The following RORB variants were observed in gnomAD, a reference collection of about 807,000 sequenced individuals.
RORB encodes the protein nuclear receptor ROR-beta.
RORB carries 6 observed loss-of-function variants against 59.1 expected under a neutral mutation model. That is an observed-to-expected ratio of 0.10 (90% confidence interval 0.06 to 0.20). RORB has a LOEUF of 0.20. Ranked by LOEUF, RORB falls within the 10% of genes least tolerant of loss-of-function variation. RORB has a pLI of 1.00. For missense variants in RORB, 320 were observed against 560.5 expected (o/e 0.57, Z 4.33); for synonymous variants, 215 against 204.5 (o/e 1.05, Z -0.44).
chr9:74,686,463 TAAC>T lies in RORB; in HGVS notation c.*847_*849del, dbSNP rs1824647894. 6.6e-6 allele frequency: 1 copy of T among 152,290 alleles called. No individual in the cohort carries two copies. The highest frequency in any genetic ancestry group is 2.1e-4 in the South Asian group (1 of 4,830). 9.4% of individuals were successfully genotyped at this position (152,290 alleles called of 1,614,324 possible). ...CCTGTTTCAAGAATTAGGCCACAGATAACATTGCAAGGTCCAAGACTTTTTTGA... is the reference window on the plus strand; with the variant it reads ...CCTGTTTCAAGAATTAGGCCACAGATATTGCAAGGTCCAAGACTTTTTTGA... On this transcript the variant is annotated 3_prime_UTR_variant, in exon 10 of 10. Coordinates refer to ENST00000376896, the MANE Select transcript of RORB (RefSeq NM_006914.4).
intron 4 of RORB, among the ~76,000 whole-genome samples, chr9:74,655,293 T>G (rs1293233951): frequency 6.6e-6 from 1 of 152,154 alleles, no homozygotes; most frequent in Non-Finnish European, 1.5e-5. Context: ...TTTGTGTGCA[T>G]CACCTTTGGA....
intron 1 of RORB, among the ~76,000 whole-genome samples, chr9:74,581,739 T>G (rs1379112044): frequency 6.6e-6 from 1 of 151,932 alleles, no homozygotes; most frequent in Non-Finnish European, 1.5e-5. Flanking sequence ...ATAAACTGAT[T>G]CCCCCCTGAG....
At chr9:74,662,686 C>T (rs1008691991) in intron 6 of RORB, 80 bp downstream of exon 6, 1 of 1,459,904 alleles carries the variant, frequency 6.8e-7, no homozygotes, top group Admixed American at 1.7e-5. Context: ...TCTAGAAAAT[C>T]CTCCTTCCGA....
chr9:74,649,755 A>C (rs1823962791), intron 4 of RORB, among the ~76,000 whole-genome samples: 1 of 152,242 alleles, frequency 6.6e-6, no homozygotes, highest in Non-Finnish European at 1.5e-5. Context: ...GCTCAATTCA[A>C]GTACTCATAG....
intron 4 of RORB, among the ~76,000 whole-genome samples, chr9:74,644,389 G>A (rs1048534417): frequency 6.6e-6 from 1 of 152,116 alleles, no homozygotes; most frequent in Non-Finnish European, 1.5e-5. Context: ...CCCTTCACAC[G>A]TTTACTTTTC....
At position 74,642,582 on chromosome 9, in the gene RORB, A is replaced by G; in HGVS notation, c.404A>G (p.Asn135Ser). The G allele has an allele frequency of 1.9e-6, 3 of 1,614,190 alleles. No homozygotes were observed. Among genetic ancestry groups the G allele is most frequent in the Non-Finnish European group, 2.5e-6 (3 of 1,180,030 alleles). ...SISNGLSNLN[N>S]ETSGTYANGH... ...AGCAACGGCCTGAGCAACCTGAACAACGAGACCAGCGGCACTTATGCCAAC... is the reference window on the plus strand; with the variant it reads ...AGCAACGGCCTGAGCAACCTGAACAGCGAGACCAGCGGCACTTATGCCAAC... The change falls in exon 4 of 10, where the codon AAC (asparagine) becomes AGC (serine). Residue 135 changes from asparagine to serine, a missense_variant. Physicochemically the swap from Asn to Ser is conservative, Grantham distance 46 (BLOSUM62 1). Around this residue, in one of 4 missense-constraint regions of RORB, gnomAD observed 134 missense variants for 156.2 expected, o/e 0.86. Coordinates refer to ENST00000376896, the MANE Select transcript of RORB (RefSeq NM_006914.4).
chr9:74,549,655 A>C (rs1247124613), intron 1 of RORB, among the ~76,000 whole-genome samples: 1 of 151,260 alleles, frequency 6.6e-6, no homozygotes, highest in African/African-American at 2.4e-5. Context: ...GAAAGAGAGA[A>C]GAGACTGCTT....
chr9:74,692,773 G>C lies in RORB; in HGVS notation c.*7155G>C, dbSNP rs1037581418. 6.6e-6 allele frequency: 1 copy of C among 152,104 alleles called. No individual in the cohort carries two copies. Among genetic ancestry groups the C allele is most frequent in the Non-Finnish European group, 1.5e-5 (1 of 68,022 alleles). The allele number at this position is 152,104 out of a possible 1,614,324, so 9.4% of individuals were successfully genotyped here. A position where few individuals can be genotyped will look rare whatever the true frequency, so the allele number is the denominator to read the frequency against. On this transcript the variant is annotated 3_prime_UTR_variant, in exon 10 of 10. Coordinates refer to ENST00000376896, the MANE Select transcript of RORB (RefSeq NM_006914.4). ...TATTACCATGTATTCTTATTGGCCT[G>C]TAGAGGAAAAAGGCAAACCACAAAT...
chr9:74,540,154 A>T (rs935242165), intron 1 of RORB, among the ~76,000 whole-genome samples: 6 of 152,166 alleles, frequency 3.9e-5, no homozygotes, highest in Admixed American at 1.3e-4. Flanking sequence ...TTTTTTAAAA[A>T]ATATATTTTG....
chr9:74,634,380 T>C (rs1388302174), intron 2 of RORB, among the ~76,000 whole-genome samples: 1 of 152,196 alleles, frequency 6.6e-6, no homozygotes, highest in African/African-American at 2.4e-5. Flanking sequence ...CAAATGTCTT[T>C]AGCAAACATT....
chr9:74,573,448 G>C (rs920296154), intron 1 of RORB, among the ~76,000 whole-genome samples: 37 of 141,540 alleles, frequency 2.6e-4, no homozygotes, highest in African/African-American at 8.3e-4. Flanking sequence ...TCAACCAAAG[G>C]CTGAGCTTTT....
At chr9:74,508,141 C>A (rs970746064) in intron 1 of RORB, among the ~76,000 whole-genome samples, 1 of 151,736 alleles carries the variant, frequency 6.6e-6, no homozygotes, top group East Asian at 1.9e-4. Context: ...CACTTTTATC[C>A]TTGCATATAT....
chr9:74,614,887 A>T (rs1823287030), intron 1 of RORB, among the ~76,000 whole-genome samples: 1 of 152,134 alleles, frequency 6.6e-6, no homozygotes, highest in Admixed American at 6.5e-5. Context: ...CATCATTCTT[A>T]CAAGTGGGAG....
chr9:74,676,168 C>T (rs1175363985), intron 9 of RORB, among the ~76,000 whole-genome samples: 5 of 152,204 alleles, frequency 3.3e-5, no homozygotes, highest in Non-Finnish European at 2.9e-5. Context: ...GCCTACAGGT[C>T]AGGCCCATAG....
At chr9:74,623,423 G>A (rs1823456521) in intron 1 of RORB, among the ~76,000 whole-genome samples, 1 of 147,438 alleles carries the variant, frequency 6.8e-6, no homozygotes, top group Non-Finnish European at 1.5e-5. Flanking sequence ...GTCAATTAGT[G>A]GCCAGAGTTT....
intron 1 of RORB, among the ~76,000 whole-genome samples, chr9:74,624,397 C>G (rs1823473286): frequency 6.6e-6 from 1 of 152,206 alleles, no homozygotes; most frequent in Non-Finnish European, 1.5e-5. Context: ...GAGATGCACT[C>G]TGCACTGATG....
intron 1 of RORB, among the ~76,000 whole-genome samples, chr9:74,596,660 G>C (rs1822975022): frequency 6.6e-6 from 1 of 152,116 alleles, no homozygotes; most frequent in Non-Finnish European, 1.5e-5. Context: ...TTCTGCCTCA[G>C]ACTTAACCCT....
At chr9:74,626,884 C>G (rs539401109) in intron 1 of RORB, among the ~76,000 whole-genome samples, 38 of 152,302 alleles carry the variant, frequency 2.5e-4, no homozygotes, top group African/African-American at 9.1e-4. Context: ...ATAGTATAGA[C>G]CGGGCATGGT....
chr9:74,692,623 A>G lies in RORB; in HGVS notation c.*7005A>G, dbSNP rs1308870043. The stretch of plus-strand genomic sequence containing the variant: ...ATGCACACCACTGTTGGCAATGCAT[A>G]AAAGTTGCATTGCCACAAGTATGTA... On this transcript the variant is annotated 3_prime_UTR_variant, in exon 10 of 10. Coordinates refer to ENST00000376896, the MANE Select transcript of RORB (RefSeq NM_006914.4). The G allele has an allele frequency of 2.0e-5, 3 of 152,212 alleles. No individual in the cohort carries two copies. The highest frequency in any genetic ancestry group is 3.9e-4 in the East Asian group (2 of 5,194). 9.4% of individuals were successfully genotyped at this position (152,212 alleles called of 1,614,324 possible). A position where few individuals can be genotyped will look rare whatever the true frequency, so the allele number is the denominator to read the frequency against.
Sources: gnomAD v4.1 joint callset for allele counts (sites outside exome capture counted in the v4.1 genomes callset) on GRCh38, gnomAD v4.1.1 for gene constraint, gnomAD v4.1.1 regional missense constraint, MANE v1.5 for transcripts, NCBI Gene and HGNC (gene_info 2026-07-23, HGNC 2026-07-21) for gene names.